ADGRL3: variants seen among roughly 807,000 people sequenced by gnomAD.
ADGRL3 encodes the protein adhesion G protein-coupled receptor L3, also known as calcium-independent alpha-latrotoxin receptor 3.
Under a neutral mutation model 153.5 loss-of-function variants are expected in ADGRL3, and 62 were observed. The observed-to-expected ratio is 0.40, with a 90% CI of 0.33 to 0.50. The LOEUF is 0.50. ADGRL3 is among the 20% of genes least tolerant of loss of function. The pLI, the probability that ADGRL3 is intolerant of heterozygous loss-of-function variation, is 0.47. For missense variants in ADGRL3, 1,641 were observed against 1,859.4 expected (o/e 0.88, Z 2.16); for synonymous variants, 710 against 672.5 (o/e 1.06, Z -0.86).
At chr4:61,979,340 T>C (rs2099059337) in intron 17 of ADGRL3, among the ~76,000 whole-genome samples, 1 of 152,236 alleles carries the variant, frequency 6.6e-6, no homozygotes, top group Non-Finnish European at 1.5e-5. Flanking sequence ...AAGCAAACGC[T>C]ATTGGCGTCT....
intron 2 of ADGRL3, among the ~76,000 whole-genome samples, chr4:61,431,116 C>G (rs960512659): frequency 6.6e-6 from 1 of 152,180 alleles, no homozygotes; most frequent in Non-Finnish European, 1.5e-5. Context: ...TAACCATGAT[C>G]ATCATCACTT....
chr4:61,418,209 G>C (rs1033889366), intron 2 of ADGRL3, among the ~76,000 whole-genome samples: 1 of 152,136 alleles, frequency 6.6e-6, no homozygotes, highest in Non-Finnish European at 1.5e-5. Context: ...TTATATTTTC[G>C]TTGGACAAAA....
intron 20 of ADGRL3, among the ~76,000 whole-genome samples, chr4:61,997,792 T>A (rs1333684031): frequency 1.3e-5 from 2 of 152,186 alleles, no homozygotes; most frequent in Non-Finnish European, 2.9e-5. Flanking sequence ...TATTTGAAAA[T>A]GTGTCACTAA....
intron 1 of ADGRL3, among the ~76,000 whole-genome samples, chr4:61,292,571 G>C (rs2094260317): frequency 6.6e-6 from 1 of 152,124 alleles, no homozygotes; most frequent in Non-Finnish European, 1.5e-5. Flanking sequence ...CCAGTTTAAA[G>C]ACTGCCAACA....
chr4:61,613,369 G>T (rs956231061), intron 5 of ADGRL3, among the ~76,000 whole-genome samples: 3 of 152,138 alleles, frequency 2.0e-5, no homozygotes, highest in Non-Finnish European at 4.4e-5. Flanking sequence ...GTATATTTAA[G>T]ACATGGTCAT....
chr4:61,718,825 T>G (rs2096179046), intron 6 of ADGRL3, among the ~76,000 whole-genome samples: 1 of 152,188 alleles, frequency 6.6e-6, no homozygotes, highest in African/African-American at 2.4e-5. Flanking sequence ...TTAAATAGAT[T>G]ATAAAGTATG....
chr4:61,577,113 A>G (rs1164685452), intron 4 of ADGRL3, among the ~76,000 whole-genome samples: 1 of 151,414 alleles, frequency 6.6e-6, no homozygotes, highest in East Asian at 1.9e-4. Flanking sequence ...CAAAAATTAT[A>G]TGCCACTGAA....
chr4:61,358,425 G>A (rs976825313), intron 1 of ADGRL3, among the ~76,000 whole-genome samples: 3 of 151,796 alleles, frequency 2.0e-5, no homozygotes, highest in Non-Finnish European at 2.9e-5. Flanking sequence ...ATGAAACCCC[G>A]TCTCTACTAA....
intron 4 of ADGRL3, among the ~76,000 whole-genome samples, chr4:61,557,998 G>A (rs2098775243): frequency 6.6e-6 from 1 of 151,256 alleles, no homozygotes; most frequent in South Asian, 2.1e-4. Flanking sequence ...TCGGGCTTGT[G>A]AAATGATTTC....
intron 2 of ADGRL3, among the ~76,000 whole-genome samples, chr4:61,442,359 G>A (rs935379883): frequency 6.6e-6 from 1 of 152,218 alleles, no homozygotes; most frequent in African/African-American, 2.4e-5. Context: ...AATCAGATAC[G>A]TAGGAGAAAA....
chr4:61,233,149 G>T (rs1159338171), intron 1 of ADGRL3, among the ~76,000 whole-genome samples: 1 of 152,100 alleles, frequency 6.6e-6, no homozygotes, highest in East Asian at 1.9e-4. Context: ...TATTACCCTA[G>T]TAATAATAAT....
chr4:62,062,588 A>G (rs1400770261), intron 25 of ADGRL3, among the ~76,000 whole-genome samples: 1 of 152,084 alleles, frequency 6.6e-6, no homozygotes, highest in Non-Finnish European at 1.5e-5. Flanking sequence ...TGTCCTAAGT[A>G]TATTAATAAA....
rs75635058 is a variant in ADGRL3, at chr4:61,617,563, A to C, written c.473+30123A>C. Among the ~76,000 whole-genome samples, 131 of 152,300 alleles carry C rather than the reference A, an allele frequency of 8.6e-4. 2 individuals are homozygous for C. Among genetic ancestry groups the C allele is most frequent in the East Asian group, 7.5e-3 (39 of 5,188 alleles). On this transcript the variant is annotated intron_variant, in intron 5 of 26. Coordinates refer to ENST00000683033, the MANE Select transcript of ADGRL3 (RefSeq NM_001387552.1). ...CCAAAATTACTGCAAAGTTTCCTGT[A>C]AGAAAAACACCTCTGCAACTCAATT...
chr4:61,624,981 A>G (rs140732823), intron 5 of ADGRL3, among the ~76,000 whole-genome samples: 26 of 152,160 alleles, frequency 1.7e-4, no homozygotes, highest in South Asian at 8.3e-4. Flanking sequence ...TTTAGGGACA[A>G]TTTTTTTGCC....
At chr4:61,515,288 T>C (rs948278609) in intron 3 of ADGRL3, among the ~76,000 whole-genome samples, 1 of 152,186 alleles carries the variant, frequency 6.6e-6, no homozygotes, top group Non-Finnish European at 1.5e-5. Context: ...GTCACACAAC[T>C]GAATGTTGTA....
Position 61,732,809 on chromosome 4 carries a change from G to T in ADGRL3, c.654G>T (p.Glu218Asp). Residue 218 changes from glutamate to aspartate, a missense_variant, in exon 8 of 27, where the codon GAG (glutamate) becomes GAT (aspartate). Around this residue, in one of 5 missense-constraint regions of ADGRL3, gnomAD observed 213 missense variants for 362.1 expected, o/e 0.59. Transcript: ENST00000683033. ...KGVYQSEHLF[E>D]SDHQSGAWCK... ...TATACCAGAGTGAACATTTGTTTGA[G>T]TCCGACCACCAATCTGGGGCGTGGT... 1 of 1,604,534 alleles carries T rather than the reference G, an allele frequency of 6.2e-7. No homozygotes were observed. The highest frequency in any genetic ancestry group is 8.5e-7 in the Non-Finnish European group (1 of 1,175,316).
intron 8 of ADGRL3, among the ~76,000 whole-genome samples, chr4:61,754,644 G>A (rs1392571956): frequency 6.6e-6 from 1 of 151,792 alleles, no homozygotes; most frequent in African/African-American, 2.4e-5. Flanking sequence ...TATACTTTAA[G>A]TTCTAGGGTA....
chr4:61,722,284 T>C (rs1157971125), intron 6 of ADGRL3, among the ~76,000 whole-genome samples: 1 of 152,216 alleles, frequency 6.6e-6, no homozygotes, highest in African/African-American at 2.4e-5. Context: ...ATAACTATTG[T>C]CTCTACCAGA....
At chr4:61,554,583 G>T (rs2098756835) in intron 4 of ADGRL3, among the ~76,000 whole-genome samples, 1 of 152,112 alleles carries the variant, frequency 6.6e-6, no homozygotes, top group East Asian at 1.9e-4. Flanking sequence ...TGCACTGTGT[G>T]CATGTGTATG....
Sources: gnomAD v4.1 joint callset for allele counts (sites outside exome capture counted in the v4.1 genomes callset) on GRCh38, gnomAD v4.1.1 for gene constraint, gnomAD v4.1.1 regional missense constraint, MANE v1.5 for transcripts, NCBI Gene and HGNC (gene_info 2026-07-23, HGNC 2026-07-21) for gene names.